The following RABGAP1L variants were observed in gnomAD, a reference collection of about 807,000 sequenced individuals.
RABGAP1L encodes RAB GTPase activating protein 1 like.
RABGAP1L carries 63 observed loss-of-function variants against 137.7 expected under a neutral mutation model. That is an observed-to-expected ratio of 0.46 (90% CI 0.37 to 0.56). RABGAP1L has a LOEUF of 0.56. RABGAP1L is among the 20% of genes least tolerant of loss of function. RABGAP1L has a pLI of 0.00. For synonymous variants in RABGAP1L, 431 were observed against 433.7 expected, an observed-to-expected ratio of 0.99 and a Z score of 0.08; for missense variants, 1,095 against 1,244.0, an observed-to-expected ratio of 0.88 and a Z score of 1.80.
intron 7 of RABGAP1L, among the ~76,000 whole-genome samples, chr1:174,257,055 G>A (rs1673198253): frequency 6.6e-6 from 1 of 151,848 alleles, no homozygotes; most frequent in Non-Finnish European, 1.5e-5. Context: ...CCTCCCCCCA[G>A]TACTATATAA....
chr1:174,202,964 A>G (rs1332061449), intron 1 of RABGAP1L, among the ~76,000 whole-genome samples: 4 of 151,658 alleles, frequency 2.6e-5, no homozygotes, highest in African/African-American at 9.7e-5. Flanking sequence ...ATGGTTGTAG[A>G]TGTGTGGTAT....
chr1:174,197,239 G>A (rs927157272), intron 1 of RABGAP1L, among the ~76,000 whole-genome samples: 1 of 152,194 alleles, frequency 6.6e-6, no homozygotes, highest in African/African-American at 2.4e-5. Context: ...ACTCACCTAA[G>A]GTCATAAGGC....
At chr1:174,297,874 C>T (rs1226441602) in intron 10 of RABGAP1L, among the ~76,000 whole-genome samples, 1 of 152,194 alleles carries the variant, frequency 6.6e-6, no homozygotes, top group East Asian at 1.9e-4. Flanking sequence ...AAACACTTTA[C>T]CCTTTTGCTG....
intron 25 of RABGAP1L, 144 bp downstream of exon 25, chr1:174,988,982 T>C (rs1472810199): frequency 1.9e-6 from 1 of 536,492 alleles, no homozygotes; most frequent in Non-Finnish European, 2.9e-6. Flanking sequence ...CATAATCACA[T>C]TTTATATCAT....
intron 17 of RABGAP1L, among the ~76,000 whole-genome samples, chr1:174,704,784 G>A (rs1022438221): frequency 6.6e-6 from 1 of 152,102 alleles, no homozygotes. Context: ...GTGGTTATTT[G>A]TACCAAAAAC....
intron 17 of RABGAP1L, among the ~76,000 whole-genome samples, chr1:174,742,132 G>T (rs1683479763): frequency 1.0e-5 from 1 of 98,364 alleles, no homozygotes; most frequent in Non-Finnish European, 1.9e-5. Flanking sequence ...GGAGGAGGAA[G>T]AAAGAAGAAG....
intron 13 of RABGAP1L, among the ~76,000 whole-genome samples, chr1:174,613,958 C>T (rs1252176524): frequency 6.6e-6 from 1 of 152,258 alleles, no homozygotes; most frequent in Non-Finnish European, 1.5e-5. Context: ...TGTCTCTGCA[C>T]ATGAGATGGG....
At chr1:174,232,771 AAAAAT>A (rs1670785195) in intron 4 of RABGAP1L, among the ~76,000 whole-genome samples, 1 of 151,942 alleles carries the variant, frequency 6.6e-6, no homozygotes, top group Non-Finnish European at 1.5e-5. Flanking sequence ...AAAAAAAAAA[AAAAAT>A]AAGTCAGATA....
rs71117584 is a variant in RABGAP1L, at chr1:174,854,715, C to CTTTTTTTTTTTTTTTTTTTTTT, written c.2340+42779_2340+42800dup. 1.1e-4 allele frequency among the ~76,000 whole-genome samples: 6 copies of CTTTTTTTTTTTTTTTTTTTTTT among 56,866 alleles called. 1 individual carries two copies. The highest frequency in any genetic ancestry group is 2.0e-4 in the Non-Finnish European group (6 of 29,354). 37.3% of individuals were successfully genotyped at this position (56,866 alleles called of 152,430 possible). The stretch of plus-strand genomic sequence containing the variant: ...AACTGCAATAGACTCAATATAAATG[C>CTTTTTTTTTTTTTTTTTTTTTT]TTTTTTTTTTTTTTTTTTTTTTTTT... On this transcript the variant is annotated intron_variant, in intron 19 of 25. Coordinates refer to ENST00000681986, the MANE Select transcript of RABGAP1L (RefSeq NM_001366446.1).
intron 3 of RABGAP1L, among the ~76,000 whole-genome samples, chr1:174,222,632 C>T (rs1317622933): frequency 1.3e-5 from 2 of 152,070 alleles, no homozygotes; most frequent in Non-Finnish European, 2.9e-5. Flanking sequence ...ATGTTTTATG[C>T]TGAAATTTAA....
intron 11 of RABGAP1L, among the ~76,000 whole-genome samples, chr1:174,325,586 G>T (rs768371547): frequency 4.6e-5 from 7 of 152,148 alleles, no homozygotes; most frequent in Admixed American, 1.3e-4. Flanking sequence ...AGTACCACAC[G>T]TGGAAGTTTC....
intron 18 of RABGAP1L, among the ~76,000 whole-genome samples, chr1:174,807,140 T>C (rs1269790767): frequency 6.6e-6 from 1 of 152,192 alleles, no homozygotes; most frequent in African/African-American, 2.4e-5. Flanking sequence ...CAAATTTTGT[T>C]AAATATGTGT....
At chr1:174,976,312 A>G in intron 22 of RABGAP1L, 130 bp downstream of exon 22, 2 of 744,402 alleles carry the variant, frequency 2.7e-6, no homozygotes, top group Non-Finnish European at 4.3e-6. Context: ...TAAGTAGTTG[A>G]GTGTACTTAC....
intron 10 of RABGAP1L, among the ~76,000 whole-genome samples, chr1:174,299,539 G>A (rs1677462335): frequency 1.3e-5 from 2 of 152,190 alleles, no homozygotes; most frequent in African/African-American, 4.8e-5. Context: ...CCATAAGAAG[G>A]CTCACAGATA....
In RABGAP1L at chr1:174,894,977, A is replaced by T. The variant is rs184407885; in HGVS notation, c.2341-62480A>T. 1.4e-3 allele frequency among the ~76,000 whole-genome samples: 209 copies of T among 152,178 alleles called. 2 individuals carry two copies. The highest frequency in any genetic ancestry group is 2.4e-3 in the Non-Finnish European group (162 of 67,998). Reference sequence around the variant, plus strand: ...TCACCATGTTGGCCACGCTGGTCTCAAACTCCTGACCTCAAGTGATCTGCC... The same window carrying T: ...TCACCATGTTGGCCACGCTGGTCTCTAACTCCTGACCTCAAGTGATCTGCC... On this transcript the variant is annotated intron_variant, in intron 19 of 25. Transcript: ENST00000681986.
intron 3 of RABGAP1L, among the ~76,000 whole-genome samples, chr1:174,224,786 T>G (rs577731405): frequency 5.9e-5 from 9 of 152,332 alleles, no homozygotes; most frequent in Non-Finnish European, 1.2e-4. Context: ...TTCCAGTGTC[T>G]TCTTGTCTCC....
chr1:174,596,583 G>A lies in RABGAP1L; in HGVS notation c.1711-40792G>A, dbSNP rs533240794. Among the ~76,000 whole-genome samples, 445 of 152,204 alleles carry A rather than the reference G, an allele frequency of 2.9e-3. 3 individuals are homozygous for A. Among genetic ancestry groups the A allele is most frequent in the Non-Finnish European group, 4.9e-3 (332 of 68,016 alleles). ...TTGATTTTATATCCTGTAATTTTAT[G>A]TAATTTACTTCTCAGTTCTAATAAT... On this transcript the variant is annotated intron_variant, in intron 13 of 25. Transcript: ENST00000681986.
chr1:174,439,454 C>T (rs1311770483), intron 13 of RABGAP1L, among the ~76,000 whole-genome samples: 1 of 152,098 alleles, frequency 6.6e-6, no homozygotes, highest in Admixed American at 6.6e-5. Context: ...GTTGATAGTA[C>T]ATTTAAAGTG....
chr1:174,264,788 C>A (rs1434804718), intron 7 of RABGAP1L, among the ~76,000 whole-genome samples: 1 of 143,966 alleles, frequency 6.9e-6, no homozygotes, highest in South Asian at 2.2e-4. Context: ...AGAAAAAATA[C>A]GAATAGAAAT....
Sources: gnomAD v4.1 joint callset for allele counts (sites outside exome capture counted in the v4.1 genomes callset) on GRCh38, gnomAD v4.1.1 for gene constraint, MANE v1.5 for transcripts, NCBI Gene and HGNC (gene_info 2026-07-23, HGNC 2026-07-21) for gene names.